EIF3L: variants seen among roughly 807,000 people sequenced by gnomAD.
The protein encoded by EIF3L is eukaryotic translation initiation factor 3 subunit L, also known as eIEF associated protein HSPC021.
Under a neutral mutation model 74.6 loss-of-function variants are expected in EIF3L, and 32 were observed. That is an observed-to-expected ratio of 0.43 (90% CI 0.32 to 0.58). EIF3L has a LOEUF of 0.58. Among genes scored for constraint, EIF3L ranks in the 20% least tolerant of loss-of-function variants. The pLI, the probability that EIF3L is intolerant of heterozygous loss-of-function variation, is 0.06. For missense variants in EIF3L, 474 were observed against 707.8 expected (o/e 0.67, Z 3.75); for synonymous variants, 256 against 254.4 (o/e 1.01, Z -0.06).
At chr22:37,875,281 G>A (rs968822331) in intron 9 of EIF3L, among the ~76,000 whole-genome samples, 2 of 151,728 alleles carry the variant, frequency 1.3e-5, no homozygotes, top group Admixed American at 1.3e-4. Flanking sequence ...AGGAGGCTGA[G>A]GTAGGAGAAT....
intron 11 of EIF3L, chr22:37,881,914 C>T (rs928253348): frequency 1.1e-4 from 17 of 152,140 alleles, no homozygotes; most frequent in African/African-American, 3.9e-4. Flanking sequence ...TAGCTATAAT[C>T]CCAATACTCT....
chr22:37,878,501 T>A (rs772373555), intron 11 of EIF3L: 16 of 183,200 alleles, frequency 8.7e-5, no homozygotes, highest in Admixed American at 4.8e-4. Context: ...TTCGCTCTCG[T>A]TGCCCAGGCT....
chr22:37,874,518 C>G lies in EIF3L; in HGVS notation c.900C>G (p.Asn300Lys). The change falls in exon 9 of 13, where the codon AAC (asparagine) becomes AAG (lysine). Residue 300 changes from asparagine to lysine, a missense_variant. Physicochemically the swap from Asn to Lys is moderately conservative, Grantham distance 94. This residue lies in a region of EIF3L where 293 missense variants were observed against 469.1 expected (regional missense o/e 0.62). Transcript: ENST00000652021. ...AIKVLENIEL[N>K]KKSMYSRVPE... ...AGGTGCTGGAGAACATCGAACTGAA[C>G]AAGAAGGTGATGCCTATTGCCTCTG... The G allele has an allele frequency of 1.9e-6, 3 of 1,613,782 alleles. No individual in the cohort carries two copies. Among genetic ancestry groups the G allele is most frequent in the Non-Finnish European group, 2.5e-6 (3 of 1,179,818 alleles).
At chr22:37,851,551 C>A in intron 3 of EIF3L, 61 bp downstream of exon 3, 1 of 1,115,132 alleles carries the variant, frequency 9.0e-7, no homozygotes, top group Non-Finnish European at 1.3e-6. Flanking sequence ...AATATAGTTC[C>A]TACAAATGAG....
At chr22:37,859,374 CTTTTTTTTTTTT>C (rs34020382) in intron 5 of EIF3L, among the ~76,000 whole-genome samples, 1 of 79,162 alleles carries the variant, frequency 1.3e-5, no homozygotes, top group Non-Finnish European at 2.2e-5. Context: ...CGTGAAGTTT[CTTTTTTTTTTTT>C]TTTTTTTTTG....
At chr22:37,854,061 T>C (rs1430000182) in intron 3 of EIF3L, among the ~76,000 whole-genome samples, 2 of 152,222 alleles carry the variant, frequency 1.3e-5, no homozygotes, top group African/African-American at 4.8e-5. Flanking sequence ...GCCAAGCATC[T>C]TGTAAGTCTT....
At chr22:37,877,377 C>G (rs780873038) in intron 10 of EIF3L, 4 of 327,392 alleles carry the variant, frequency 1.2e-5, no homozygotes, top group African/African-American at 2.1e-5. Context: ...TTGGGTAACT[C>G]GATCCTAACT....
intron 11 of EIF3L, chr22:37,878,654 G>C (rs1275011661): frequency 6.4e-6 from 1 of 155,284 alleles, no homozygotes; most frequent in Non-Finnish European, 1.4e-5. Context: ...GTAGAAATGG[G>C]GTTTCTCCAT....
chr22:37,850,538 C>T (rs568798549), intron 2 of EIF3L: 10 of 221,986 alleles, frequency 4.5e-5, no homozygotes, highest in South Asian at 4.1e-4. Context: ...GAGGTTTCGC[C>T]GTGTTGTCCA....
chr22:37,854,331 C>T (rs1035116651), intron 3 of EIF3L, among the ~76,000 whole-genome samples: 27 of 152,148 alleles, frequency 1.8e-4, no homozygotes, highest in Admixed American at 3.9e-4. Context: ...CCTTGATAAC[C>T]TTAGCAAGGT....
chr22:37,862,590 G>A (rs1054009361), intron 5 of EIF3L, among the ~76,000 whole-genome samples: 17 of 152,198 alleles, frequency 1.1e-4, no homozygotes, highest in African/African-American at 3.6e-4. Flanking sequence ...TTCCTGGCCC[G>A]TAGTCTAGTG....
intron 4 of EIF3L, among the ~76,000 whole-genome samples, chr22:37,858,268 C>G (rs960312526): frequency 3.7e-5 from 4 of 109,570 alleles, no homozygotes; most frequent in African/African-American, 1.4e-4. Flanking sequence ...CACTGTGTTG[C>G]CCATGCTGGA....
rs76324959 is a variant in EIF3L at position 37,856,900 on chromosome 22, C to CT, written c.373+1269dup. 4.0e-3 allele frequency among the ~76,000 whole-genome samples: 559 copies of CT among 141,214 alleles called. 5 individuals are homozygous for CT. The highest frequency in any genetic ancestry group is 0.012 in the African/African-American group (454 of 38,958). 92.6% of individuals were successfully genotyped at this position (141,214 alleles called of 152,430 possible). A position where few individuals can be genotyped will look rare whatever the true frequency, so the allele number is the denominator to read the frequency against. Reference sequence around the variant, plus strand: ...AATTGGTAAGTCCTCCAACTTTGTTCTTTTTTTTTTTTTCCCCAAGATTGT... The same window carrying CT: ...AATTGGTAAGTCCTCCAACTTTGTTCTTTTTTTTTTTTTTCCCCAAGATTGT... On this transcript the variant is annotated intron_variant, in intron 4 of 12. Transcript: ENST00000652021.
In EIF3L at chr22:37,874,415, A is replaced by G. The variant is rs1486935270; in HGVS notation, c.797A>G (p.Tyr266Cys). 6.2e-7 allele frequency: 1 copy of G among 1,614,092 alleles called. No individual in the cohort carries two copies. The highest frequency in any genetic ancestry group is 8.5e-7 in the Non-Finnish European group (1 of 1,180,008). ...GGGGAGTATGGGCGGCACTCCCTCT[A>G]CAAAATGCTTGGTTACTTCAGCCTG... ...VAGEYGRHSL[Y>C]KMLGYFSLVG... The change falls in exon 9 of 13, where the codon TAC becomes TGC. Residue 266 changes from tyrosine (Y) to cysteine (C), a missense_variant. Physicochemically the swap from Tyr to Cys is radical, Grantham distance 194. Coordinates refer to ENST00000652021, the MANE Select transcript of EIF3L (RefSeq NM_016091.4).
Position 37,888,465 on chromosome 22 carries a change from T to C in EIF3L, c.*1T>C. 6.2e-7 allele frequency: 1 copy of C among 1,613,674 alleles called. No individual in the cohort carries two copies. The highest frequency in any genetic ancestry group is 8.5e-7 in the Non-Finnish European group (1 of 1,179,978). ...GAAGAAGATGGGACAGAGACCTTGA[T>C]GATATTCACACACATTCAGGAACCT... On this transcript the variant is annotated 3_prime_UTR_variant, in exon 13 of 13. Transcript: ENST00000652021.
intron 4 of EIF3L, among the ~76,000 whole-genome samples, chr22:37,858,020 A>T (rs539900350): frequency 4.9e-4 from 75 of 151,758 alleles, no homozygotes; most frequent in African/African-American, 1.3e-3. Flanking sequence ...AAAATTTTTT[A>T]AAAAAATTAT....
intron 7 of EIF3L, among the ~76,000 whole-genome samples, chr22:37,866,290 C>T (rs948206332): frequency 2.0e-5 from 3 of 152,092 alleles, no homozygotes; most frequent in African/African-American, 4.8e-5. Context: ...CTGCAGTGTG[C>T]GTGATATGGA....
intron 4 of EIF3L, among the ~76,000 whole-genome samples, chr22:37,856,807 G>A (rs1452155059): frequency 6.6e-6 from 1 of 150,648 alleles, no homozygotes. Context: ...TCGCGCCATT[G>A]CACTCCAGCC....
chr22:37,876,316 TTTTTTTG>T (rs1926749551), intron 10 of EIF3L: 1 of 228,970 alleles, frequency 4.4e-6, no homozygotes, highest in African/African-American at 2.3e-5. Context: ...TTTTTTTTTT[TTTTTTTG>T]AGACGAAGTC....
Sources: allele counts gnomAD v4.1 joint callset (sites outside exome capture counted in the v4.1 genomes callset), GRCh38; gene constraint gnomAD v4.1.1; regional missense constraint gnomAD v4.1.1; transcripts MANE v1.5; gene names NCBI Gene and HGNC (gene_info 2026-07-23, HGNC 2026-07-21).